The following LPA variants were observed in gnomAD, a reference collection of about 807,000 sequenced individuals.
The protein encoded by LPA is lipoprotein(a).
LPA carries 199 observed loss-of-function variants against 197.9 expected under a neutral mutation model. The ratio of observed to expected loss-of-function variants is 1.01; its 90% CI spans 0.90 to 1.13. LPA has a LOEUF of 1.13. Among genes scored for constraint, LPA ranks in the 50% most tolerant of loss-of-function variants. The pLI is 0.00. For missense variants in LPA, 1,853 were observed against 1,785.8 expected, an observed-to-expected ratio of 1.04 and a Z score of -0.68; for synonymous variants, 715 against 639.5, an observed-to-expected ratio of 1.12 and a Z score of -1.78.
intron 1 of LPA, among the ~76,000 whole-genome samples, chr6:160,650,945 C>T (rs767342027): frequency 6.6e-6 from 1 of 152,110 alleles, no homozygotes; most frequent in African/African-American, 2.4e-5. Flanking sequence ...AGTTTCTGGG[C>T]AATGGGGGGA....
At chr6:160,648,944 G>C (rs1001077146) in intron 2 of LPA, among the ~76,000 whole-genome samples, 2 of 152,102 alleles carry the variant, frequency 1.3e-5, no homozygotes, top group African/African-American at 4.8e-5. Flanking sequence ...CACACTAAAA[G>C]GTTTCTATGT....
chr6:160,565,250 A>G (rs577318895), intron 28 of LPA, among the ~76,000 whole-genome samples: 1 of 152,334 alleles, frequency 6.6e-6, no homozygotes, highest in African/African-American at 2.4e-5. Flanking sequence ...ACCCCCGAGT[A>G]GCCTAACTGG....
chr6:160,663,845 G>C (rs983329143), intron 1 of LPA, among the ~76,000 whole-genome samples: 1 of 152,186 alleles, frequency 6.6e-6, no homozygotes, highest in Non-Finnish European at 1.5e-5. Flanking sequence ...AGAACCAAGC[G>C]AAGAGCTTAG....
At chr6:160,553,933 C>CTGTGTG (rs1437869346) in intron 30 of LPA, among the ~76,000 whole-genome samples, 1,927 of 68,648 alleles carry the variant, frequency 0.028, 41 homozygotes, top group African/African-American at 0.079. Context: ...CTCTCTCTCT[C>CTGTGTG]TCTCTGTGTG....
intron 28 of LPA, among the ~76,000 whole-genome samples, chr6:160,571,801 C>T (rs1017016643): frequency 6.6e-6 from 1 of 152,210 alleles, no homozygotes; most frequent in South Asian, 2.1e-4. Flanking sequence ...TGGAGCTTAG[C>T]TTGCTGGGCT....
chr6:160,611,177 A>G (rs1221791198), intron 16 of LPA, among the ~76,000 whole-genome samples: 1 of 152,148 alleles, frequency 6.6e-6, no homozygotes, highest in East Asian at 1.9e-4. Flanking sequence ...ATGAGCCCAG[A>G]CAGAAAAGGC....
intron 37 of LPA, among the ~76,000 whole-genome samples, chr6:160,535,292 T>C (rs1777872362): frequency 6.8e-6 from 1 of 146,970 alleles, no homozygotes; most frequent in Non-Finnish European, 1.5e-5. Flanking sequence ...GTGATAGTGA[T>C]GATGGTGGTG....
At chr6:160,634,965 C>A (rs1461912522) in intron 7 of LPA, among the ~76,000 whole-genome samples, 158 bp downstream of exon 7, 1 of 150,244 alleles carries the variant, frequency 6.7e-6, no homozygotes, top group Admixed American at 6.6e-5. Flanking sequence ...ACTCCGCTGG[C>A]TCCCCCAGAG....
At chr6:160,585,704 T>C (rs771359866) in intron 25 of LPA, among the ~76,000 whole-genome samples, 5 of 151,992 alleles carry the variant, frequency 3.3e-5, no homozygotes. Flanking sequence ...GACTTGTAGG[T>C]AAAGACACAT....
Position 160,605,218 on chromosome 6 carries a change from G to A in LPA, c.2786-13C>T, listed in dbSNP as rs746643819. ...TGCTCAGTTGGTGCTGAAATGAAAA[G>A]AAAAGAAATCAAACTGAGTGTTTCC... On this transcript the variant is annotated splice_polypyrimidine_tract_variant and intron_variant, in intron 17 of 38. Coordinates refer to ENST00000316300, the MANE Select transcript of LPA (RefSeq NM_005577.4). 30 of 1,612,702 alleles carry A rather than the reference G, an allele frequency of 1.9e-5. No individual in the cohort carries two copies. Among genetic ancestry groups the A allele is most frequent in the Non-Finnish European group, 2.5e-5 (29 of 1,179,712 alleles).
intron 33 of LPA, 27 bp from the exon 34 acceptor site, chr6:160,542,835 C>A (rs751830202): frequency 6.2e-7 from 1 of 1,613,370 alleles, no homozygotes; most frequent in Non-Finnish European, 8.5e-7. Flanking sequence ...GAAAAGAAGT[C>A]GCATTTGAGT....
chr6:160,615,356 G>GTA (rs1779575870), intron 14 of LPA, among the ~76,000 whole-genome samples: 2 of 123,662 alleles, frequency 1.6e-5, no homozygotes, highest in Non-Finnish European at 1.8e-5. Context: ...TTCAGTTTGT[G>GTA]TGTGTGTGTG....
At chr6:160,585,274 C>T (rs1396811745) in intron 25 of LPA, 69 bp from the exon 26 acceptor site, 5 of 1,462,874 alleles carry the variant, frequency 3.4e-6, no homozygotes, top group South Asian at 1.1e-5. Context: ...AATTATGACA[C>T]ACAAAGTGGA....
chr6:160,539,219 G>A (rs41266354), intron 36 of LPA, among the ~76,000 whole-genome samples: 1,720 of 152,160 alleles, frequency 0.011, 29 homozygotes, highest in Middle Eastern at 0.051. Context: ...CCAGCACAGC[G>A]AGCACCCCAC....
At chr6:160,648,584 ATGTT>A (rs1045102535) in intron 2 of LPA, among the ~76,000 whole-genome samples, 39 of 151,512 alleles carry the variant, frequency 2.6e-4, no homozygotes, top group Admixed American at 2.0e-3. Context: ...AAGCTTATAC[ATGTT>A]TGAGTGTGTG....
intron 14 of LPA, among the ~76,000 whole-genome samples, chr6:160,615,413 G>T (rs1439691433): frequency 9.3e-6 from 1 of 107,060 alleles, no homozygotes; most frequent in Non-Finnish European, 1.9e-5. Flanking sequence ...CTCTAAAATT[G>T]TGTGTTGGGT....
In LPA at chr6:160,608,687, C is replaced by T. The variant is rs148682024; in HGVS notation, c.2604-2029G>A. 2.3e-3 allele frequency among the ~76,000 whole-genome samples: 346 copies of T among 152,104 alleles called. 2 individuals carry two copies. The highest frequency in any genetic ancestry group is 4.0e-3 in the Non-Finnish European group (270 of 68,008). On this transcript the variant is annotated intron_variant, in intron 16 of 38. Coordinates refer to ENST00000316300, the MANE Select transcript of LPA (RefSeq NM_005577.4). ...AAAAGTTTTCGGCCATCCTTGATTC[C>T]GGTATTTGTTTCTGTTTCCAATCTC...
intron 25 of LPA, among the ~76,000 whole-genome samples, chr6:160,585,700 T>C (rs1778897677): frequency 6.6e-6 from 1 of 152,018 alleles, no homozygotes; most frequent in Non-Finnish European, 1.5e-5. Flanking sequence ...CTAGGACTTG[T>C]AGGTAAAGAC....
chr6:160,532,023 C>T (rs917706890), intron 38 of LPA, 133 bp from the exon 39 acceptor site: 1 of 1,019,646 alleles, frequency 9.8e-7, no homozygotes, highest in African/African-American at 1.6e-5. Flanking sequence ...GAGCATATTA[C>T]TCAAGCATCT....
Sources: gnomAD v4.1 joint callset for allele counts (sites outside exome capture counted in the v4.1 genomes callset) on GRCh38, gnomAD v4.1.1 for gene constraint, MANE v1.5 for transcripts, NCBI Gene and HGNC (gene_info 2026-07-23, HGNC 2026-07-21) for gene names.